RTF1: variants seen among roughly 807,000 people sequenced by gnomAD.
RTF1 encodes RTF1 homolog, Paf1/RNA polymerase II complex component, also known as RNA polymerase-associated protein RTF1 homolog.
A neutral mutation model predicts 95.7 loss-of-function variants in RTF1; 10 were observed. The observed-to-expected ratio is 0.10, with a 90% CI of 0.06 to 0.18. The LOEUF (loss-of-function observed/expected upper bound fraction) is 0.18. RTF1 is among the 10% of genes least tolerant of loss of function. RTF1 has a pLI of 1.00. For synonymous variants in RTF1, 305 were observed against 311.8 expected (o/e 0.98, Z 0.23); for missense variants, 458 against 875.6 (o/e 0.52, Z 6.02).
At position 41,482,752 on chromosome 15, in the gene RTF1, A is replaced by G. The variant is rs908875713; in HGVS notation, c.*2065A>G. ...GTAAATGTGGAATCACAGACTGTTA[A>G]CATTGCCTGGACTTCAGCAGAGTCC... is the stretch of plus-strand genomic sequence containing the variant. On this transcript the variant is annotated 3_prime_UTR_variant, in exon 18 of 18. Coordinates refer to ENST00000389629, the MANE Select transcript of RTF1 (RefSeq NM_015138.5). 2.0e-5 allele frequency: 3 copies of G among 152,590 alleles called. No individual in the cohort carries two copies. The highest frequency in any genetic ancestry group is 4.4e-5 in the Non-Finnish European group (3 of 68,040). The allele number at this position is 152,590 out of a possible 1,614,324, so 9.5% of individuals were successfully genotyped here. A position where few individuals can be genotyped will look rare whatever the true frequency, so the allele number is the denominator to read the frequency against.
chr15:41,480,502 G>A lies in RTF1; in HGVS notation c.2027-79G>A, dbSNP rs111400206. On this transcript the variant is annotated intron_variant, in intron 17 of 17. Coordinates refer to ENST00000389629, the MANE Select transcript of RTF1 (RefSeq NM_015138.5). ...AGAGGGAACAGGGCCACAGTCAGGAGGCTGCCTGCAGGAGTGTAGCACAGG... is the reference window on the plus strand; with the variant it reads ...AGAGGGAACAGGGCCACAGTCAGGAAGCTGCCTGCAGGAGTGTAGCACAGG... 7.9e-5 allele frequency: 88 copies of A among 1,119,896 alleles called. 1 individual carries two copies. The African/African-American group carries it at 1.0e-3, about 13-fold the overall frequency. The allele number at this position is 1,119,896 out of a possible 1,614,324, so 69.4% of individuals were successfully genotyped here. A position where few individuals can be genotyped will look rare whatever the true frequency, so the allele number is the denominator to read the frequency against.
intron 2 of RTF1, among the ~76,000 whole-genome samples, chr15:41,449,851 T>TA (rs2050781505): frequency 6.6e-6 from 1 of 152,054 alleles, no homozygotes; most frequent in South Asian, 2.1e-4. Context: ...TTTTAAGGCC[T>TA]AATATAATGA....
chr15:41,448,072 A>G (rs2050772202), intron 2 of RTF1, among the ~76,000 whole-genome samples: 1 of 152,170 alleles, frequency 6.6e-6, no homozygotes, highest in Non-Finnish European at 1.5e-5. Flanking sequence ...CTCTGGACTA[A>G]TAGCTGGATT....
At chr15:41,450,584 CAAAA>C (rs35822176) in intron 2 of RTF1, among the ~76,000 whole-genome samples, 2 of 72,410 alleles carry the variant, frequency 2.8e-5, no homozygotes, top group African/African-American at 1.0e-4. Context: ...GACTCCGTCT[CAAAA>C]AAAAAAAAAA....
intron 1 of RTF1, among the ~76,000 whole-genome samples, chr15:41,436,743 G>A (rs1023476507): frequency 1.3e-5 from 2 of 151,642 alleles, no homozygotes; most frequent in African/African-American, 4.8e-5. Flanking sequence ...GCAGTCAGCC[G>A]AGATCGTGCC....
Position 41,417,295 on chromosome 15 carries a change from C to T in RTF1, c.180C>T (p.Ser60=), listed in dbSNP as rs978376782. ...ACTCGGACACAGAGGACAGCGGCAG[C>T]GACGAGAACCTGGATCAGGTGAGGG... ...VIDSDTEDSG[S]DENLDQELLS... Residue 60 remains serine (S), a synonymous_variant, in exon 1 of 18, where the codon AGC becomes AGT. Transcript: ENST00000389629. 4 of 1,247,462 alleles carry T rather than the reference C, an allele frequency of 3.2e-6. No homozygotes were observed. The highest frequency in any genetic ancestry group is 6.3e-5 in the East Asian group (2 of 31,680). The allele number at this position is 1,247,462 out of a possible 1,614,324, so 77.3% of individuals were successfully genotyped here. A position where few individuals can be genotyped will look rare whatever the true frequency, so the allele number is the denominator to read the frequency against.
chr15:41,441,132 T>C (rs558254815), intron 2 of RTF1, among the ~76,000 whole-genome samples: 39 of 151,690 alleles, frequency 2.6e-4, no homozygotes, highest in African/African-American at 8.7e-4. Flanking sequence ...CCACCACTCC[T>C]GGCTAATTTT....
At chr15:41,460,589 T>C (rs2050842547) in intron 4 of RTF1, among the ~76,000 whole-genome samples, 1 of 152,174 alleles carries the variant, frequency 6.6e-6, no homozygotes, top group Non-Finnish European at 1.5e-5. Flanking sequence ...TATGACAAAA[T>C]CACAAAGTAG....
In RTF1 at chr15:41,479,223, C is replaced by T. The variant is rs374185051; in HGVS notation, c.1914+25C>T. ...GGCAAGTGTGGTACCACCCTGTTGC[C>T]TGCTGAGTGAGGCTGCTGGCTGAGA... On this transcript the variant is annotated intron_variant, in intron 16 of 17. Coordinates refer to ENST00000389629, the MANE Select transcript of RTF1 (RefSeq NM_015138.5). 5.3e-6 allele frequency: 8 copies of T among 1,514,722 alleles called. No homozygotes were observed. The African/African-American group carries it at 6.9e-5, about 13-fold the overall frequency. The allele number at this position is 1,514,722 out of a possible 1,614,324, so 93.8% of individuals were successfully genotyped here.
chr15:41,468,149 A>G (rs1288835797), intron 6 of RTF1, among the ~76,000 whole-genome samples: 1 of 151,988 alleles, frequency 6.6e-6, no homozygotes, highest in Admixed American at 6.6e-5. Context: ...CTGGGCAACA[A>G]GAGTGAGACT....
chr15:41,475,452 C>A, intron 9 of RTF1, 73 bp from the exon 10 acceptor site: 3 of 1,154,948 alleles, frequency 2.6e-6, no homozygotes, highest in Non-Finnish European at 3.9e-6. Flanking sequence ...GGTACATAGT[C>A]TGGTAAGGTT....
chr15:41,453,080 A>C (rs199640276), intron 3 of RTF1, 32 bp downstream of exon 3: 2 of 1,508,900 alleles, frequency 1.3e-6, no homozygotes, highest in East Asian at 4.8e-5. Flanking sequence ...TGGAAGGTCA[A>C]CTCCCACTCT....
At chr15:41,478,648 T>A in intron 15 of RTF1, 23 bp downstream of exon 15, 1 of 1,577,426 alleles carries the variant, frequency 6.3e-7, no homozygotes, top group Non-Finnish European at 8.7e-7. Flanking sequence ...AGAGGACATT[T>A]TAGTCAGGAC....
intron 1 of RTF1, 91 bp from the exon 2 acceptor site, chr15:41,438,230 A>G (rs890047785): frequency 3.2e-5 from 26 of 821,930 alleles, no homozygotes; most frequent in Non-Finnish European, 1.8e-6. Context: ...ACAAAAATAT[A>G]AAAAAGATCT....
intron 6 of RTF1, among the ~76,000 whole-genome samples, 179 bp downstream of exon 6, chr15:41,466,431 T>C (rs539588885): frequency 2.6e-5 from 4 of 152,350 alleles, no homozygotes; most frequent in African/African-American, 9.6e-5. Context: ...TGGCCAGTCT[T>C]GTTAAATCTA....
chr15:41,472,552 C>G (rs972428530), intron 8 of RTF1, among the ~76,000 whole-genome samples: 5 of 142,398 alleles, frequency 3.5e-5, no homozygotes, highest in African/African-American at 1.3e-4. Flanking sequence ...AGAGTCTTAC[C>G]CCGTTGCCCA....
At chr15:41,469,325 T>G (rs2050897371) in intron 6 of RTF1, among the ~76,000 whole-genome samples, 1 of 152,054 alleles carries the variant, frequency 6.6e-6, no homozygotes, top group African/African-American at 2.4e-5. Context: ...CATCTTAGAT[T>G]AATGGTAGCA....
chr15:41,421,847 A>G (rs1187133460), intron 1 of RTF1, among the ~76,000 whole-genome samples: 3 of 151,414 alleles, frequency 2.0e-5, no homozygotes, highest in Non-Finnish European at 2.9e-5. Context: ...AGTAGCTGGG[A>G]CTACAGGTGT....
intron 1 of RTF1, among the ~76,000 whole-genome samples, chr15:41,420,019 C>T (rs935939201): frequency 5.9e-5 from 9 of 152,070 alleles, no homozygotes; most frequent in African/African-American, 2.2e-4. Context: ...CAGGGTTTCT[C>T]CATGTTGGCC....
Sources: allele counts gnomAD v4.1 joint callset (sites outside exome capture counted in the v4.1 genomes callset), GRCh38; gene constraint gnomAD v4.1.1; transcripts MANE v1.5; gene names NCBI Gene and HGNC (gene_info 2026-07-23, HGNC 2026-07-21).